GPRIN2: variants seen among roughly 807,000 people sequenced by gnomAD.
GPRIN2 encodes the protein G protein-regulated inducer of neurite outgrowth 2.
Under a neutral mutation model 0.3 loss-of-function variants are expected in GPRIN2, and 1 was observed. The ratio of observed to expected loss-of-function variants is 3.90; its 90% CI spans 1.39 to 18.51. The LOEUF (loss-of-function observed/expected upper bound fraction) is 18.51. GPRIN2 is among the 30% of genes most tolerant of loss of function. GPRIN2 has a pLI of 0.11. For missense variants in GPRIN2, 880 were observed against 604.2 expected (o/e 1.46, Z -4.79); for synonymous variants, 361 against 258.6 (o/e 1.40, Z -3.80).
intron 1 of GPRIN2, 48 bp from the exon 2 acceptor site, chr10:46,554,743 T>C: frequency 6.5e-6 from 1 of 154,092 alleles, no homozygotes; most frequent in Middle Eastern, 3.3e-3. Context: ...TCATTTTGAG[T>C]AAAAGCCCCC....
chr10:46,556,907 C>T (rs1447313750), upstream of GPRIN2, among the ~76,000 whole-genome samples: 2 of 152,304 alleles, frequency 1.3e-5, no homozygotes, highest in African/African-American at 4.8e-5. Flanking sequence ...ACCCCCAAGA[C>T]TCCCACTTCC....
At chr10:46,551,796 C>T (rs1231948117) in intron 2 of GPRIN2, among the ~76,000 whole-genome samples, 1 of 152,306 alleles carries the variant, frequency 6.6e-6, no homozygotes, top group Non-Finnish European at 1.5e-5. Context: ...GCATCTCTTC[C>T]TGGGGCCCCT....
In GPRIN2 at chr10:46,549,714, T is replaced by G; in HGVS notation, c.1023A>C (p.Pro341=). ...TGGCCACAGCCTTGCAGGCCGCCACTGGGGCCGCCTGCACACCAGCATCCT... is the reference window on the plus strand; with the variant it reads ...TGGCCACAGCCTTGCAGGCCGCCACGGGGGCCGCCTGCACACCAGCATCCT... The part of the protein sequence containing the change: ...SAQDAGVQAA[P]VAACKAVATS... The change falls in exon 3 of 3, where the codon CCA becomes CCC. Residue 341 remains proline, a synonymous_variant. Transcript: ENST00000374314. The G allele has an allele frequency of 1.9e-6, 3 of 1,613,932 alleles. No homozygotes were observed. Among genetic ancestry groups the G allele is most frequent in the Non-Finnish European group, 2.5e-6 (3 of 1,179,920 alleles).
rs929335379 is a variant in GPRIN2, at chr10:46,545,508, C to T, written c.*3852G>A. Among the ~76,000 whole-genome samples the T allele has an allele frequency of 6.6e-6, 1 of 152,312 alleles. No individual in the cohort carries two copies. The highest frequency in any genetic ancestry group is 2.4e-5 in the African/African-American group (1 of 41,488). On this transcript the variant is annotated 3_prime_UTR_variant, in exon 3 of 3. Transcript: ENST00000374314. Reference sequence around the variant, plus strand: ...TCTCAGCAGAAGCTTCTGGGGAACCCAGCCCAAGATGAGTGGTGAGGGCTA... The same window carrying T: ...TCTCAGCAGAAGCTTCTGGGGAACCTAGCCCAAGATGAGTGGTGAGGGCTA...
upstream of GPRIN2, among the ~76,000 whole-genome samples, chr10:46,557,253 G>A (rs1372760628): frequency 2.0e-5 from 3 of 152,290 alleles, no homozygotes; most frequent in African/African-American, 4.8e-5. Flanking sequence ...CCAAATCCTG[G>A]ACCCACCGTC....
chr10:46,544,259 A>G lies in GPRIN2; in HGVS notation c.*5101T>C, dbSNP rs1841966779. 6.6e-6 allele frequency among the ~76,000 whole-genome samples: 1 copy of G among 152,312 alleles called. No individual in the cohort carries two copies. Among genetic ancestry groups the G allele is most frequent in the Non-Finnish European group, 1.5e-5 (1 of 68,058 alleles). ...TTTCATAATACAAGATGGACAGGAA[A>G]GAGGCCAAGGGCAGGCAGTTCCCAA... On this transcript the variant is annotated 3_prime_UTR_variant, in exon 3 of 3. Coordinates refer to ENST00000374314, the MANE Select transcript of GPRIN2 (RefSeq NM_001385282.1).
intron 2 of GPRIN2, chr10:46,551,605 GC>G (rs2133283383): frequency 1.6e-6 from 1 of 620,036 alleles, no homozygotes; most frequent in Non-Finnish European, 2.0e-6. Flanking sequence ...GAGATAAGAT[GC>G]CCACCCAGTA....
At chr10:46,553,540 C>T (rs1214976677) in intron 2 of GPRIN2, among the ~76,000 whole-genome samples, 1 of 152,304 alleles carries the variant, frequency 6.6e-6, no homozygotes, top group East Asian at 1.9e-4. Context: ...AGCCTCTGGC[C>T]CCTGAGGAGA....
chr10:46,542,016 G>GA lies in GPRIN2; in HGVS notation c.*7343dup, dbSNP rs1256504316. 2.0e-5 allele frequency among the ~76,000 whole-genome samples: 3 copies of GA among 152,294 alleles called. No individual in the cohort carries two copies. Among genetic ancestry groups the GA allele is most frequent in the East Asian group, 1.9e-4 (1 of 5,208 alleles). ...CCCTGAATACCCCCAACTCTGAAGA[G>GA]AAAAAAAATCAAACCAAAGAGTTTT... On this transcript the variant is annotated 3_prime_UTR_variant, in exon 3 of 3. Coordinates refer to ENST00000374314, the MANE Select transcript of GPRIN2 (RefSeq NM_001385282.1).
Position 46,546,963 on chromosome 10 carries a change from G to A in GPRIN2, c.*2397C>T, listed in dbSNP as rs1160726275. On this transcript the variant is annotated 3_prime_UTR_variant, in exon 3 of 3. Transcript: ENST00000374314. ...TCCTGGCAAGCCAGGGCAGCATGGAGGTAGCACAGAGTGGCACCCAGCCAG... is the reference window on the plus strand; with the variant it reads ...TCCTGGCAAGCCAGGGCAGCATGGAAGTAGCACAGAGTGGCACCCAGCCAG... Among the ~76,000 whole-genome samples the A allele has an allele frequency of 1.3e-5, 2 of 152,430 alleles. No individual in the cohort carries two copies. The highest frequency in any genetic ancestry group is 1.9e-4 in the East Asian group (1 of 5,196).
chr10:46,556,081 A>G (rs1363779430), intron 1 of GPRIN2, among the ~76,000 whole-genome samples: 1 of 152,312 alleles, frequency 6.6e-6, no homozygotes, highest in Non-Finnish European at 1.5e-5. Flanking sequence ...CAGCGACTGC[A>G]GGCAAATGGG....
upstream of GPRIN2, among the ~76,000 whole-genome samples, chr10:46,557,561 C>A (rs1843371113): frequency 6.6e-6 from 1 of 152,310 alleles, no homozygotes; most frequent in Admixed American, 6.5e-5. Flanking sequence ...TCCACTGGAG[C>A]CCGCCTTCTT....
chr10:46,546,214 CTT>C lies in GPRIN2; in HGVS notation c.*3144_*3145del, dbSNP rs1358707124. Reference sequence around the variant, plus strand: ...CTGGGGCCAGACAAGGGATGCGTGTCTTGTGTCCTGGACACAAGACAGGCAGG... The same window carrying C: ...CTGGGGCCAGACAAGGGATGCGTGTCGTGTCCTGGACACAAGACAGGCAGG... On this transcript the variant is annotated 3_prime_UTR_variant, in exon 3 of 3. Transcript: ENST00000374314. Among the ~76,000 whole-genome samples the C allele has an allele frequency of 6.6e-6, 1 of 152,300 alleles. No individual in the cohort carries two copies. Among genetic ancestry groups the C allele is most frequent in the African/African-American group, 2.4e-5 (1 of 41,480 alleles).
rs894474389 is a variant in GPRIN2 at position 46,545,038 on chromosome 10, A to T, written c.*4322T>A. Among the ~76,000 whole-genome samples the T allele has an allele frequency of 2.0e-5, 3 of 152,308 alleles. No homozygotes were observed. Among genetic ancestry groups the T allele is most frequent in the Non-Finnish European group, 2.9e-5 (2 of 68,056 alleles). ...AGGCCAGAATGAAAAAGGAGAAGGA[A>T]TTTAACATGGGCAAATGCCAAGCTC... On this transcript the variant is annotated 3_prime_UTR_variant, in exon 3 of 3. Coordinates refer to ENST00000374314, the MANE Select transcript of GPRIN2 (RefSeq NM_001385282.1).
intron 2 of GPRIN2, among the ~76,000 whole-genome samples, chr10:46,551,225 G>A (rs1842565268): frequency 6.6e-6 from 1 of 152,302 alleles, no homozygotes; most frequent in African/African-American, 2.4e-5. Flanking sequence ...CTTCCTCCTG[G>A]GACTGGCAGT....
Position 46,556,616 on chromosome 10 carries a change from G to T in GPRIN2, c.-236C>A, listed in dbSNP as rs1843266829. Reference sequence around the variant, plus strand: ...CGACCTGGCCTGGGCGCGAGACGCCGCCCGCCGCCGTCGGCCCGGCCCGCG... The same window carrying T: ...CGACCTGGCCTGGGCGCGAGACGCCTCCCGCCGCCGTCGGCCCGGCCCGCG... On this transcript the variant is annotated 5_prime_UTR_variant, in exon 1 of 3. Transcript: ENST00000374314. Among the ~76,000 whole-genome samples the T allele has an allele frequency of 6.6e-6, 1 of 151,932 alleles. No homozygotes were observed. Among genetic ancestry groups the T allele is most frequent in the Non-Finnish European group, 1.5e-5 (1 of 67,952 alleles).
At position 46,550,599 on chromosome 10, in the gene GPRIN2, G is replaced by A. The variant is rs1832309565; in HGVS notation, c.138C>T (p.Thr46=). The A allele has an allele frequency of 3.5e-5, 55 of 1,585,100 alleles. No homozygotes were observed. The African/African-American group carries it at 4.6e-4, about 13-fold the overall frequency. Residue 46 remains threonine (T), a synonymous_variant, in exon 3 of 3, where the codon ACC becomes ACT. Coordinates refer to ENST00000374314, the MANE Select transcript of GPRIN2 (RefSeq NM_001385282.1). Reference sequence around the variant, plus strand: ...CCTCGCCCAGCTGGGCCTGCCACACGGTGCTGCTGGCAGTCTTGCGGAGCT... The same window carrying A: ...CCTCGCCCAGCTGGGCCTGCCACACAGTGCTGCTGGCAGTCTTGCGGAGCT... The part of the protein sequence containing the change: ...RPELRKTASS[T]VWQAQLGEAS...
In GPRIN2 at chr10:46,550,511, G is replaced by T. The variant is rs150129733; in HGVS notation, c.226C>A (p.Arg76=). The change falls in exon 3 of 3, where the codon CGG becomes AGG. Residue 76 remains arginine (R), a synonymous_variant. Transcript: ENST00000374314. ...GNPPESMKPA[R]ASGPKARPSA... is the part of the protein sequence containing the mutation. Reference sequence around the variant, plus strand: ...GGTCGCGCCTTGGGGCCAGAGGCCCGTGCTGGCTTCATGCTCTCAGGCGGG... The same window carrying T: ...GGTCGCGCCTTGGGGCCAGAGGCCCTTGCTGGCTTCATGCTCTCAGGCGGG... 2.5e-6 allele frequency: 4 copies of T among 1,603,970 alleles called. No individual in the cohort carries two copies. The highest frequency in any genetic ancestry group is 2.7e-5 in the African/African-American group (2 of 74,844).
Position 46,549,390 on chromosome 10 carries a change from G to C in GPRIN2, c.1347C>G (p.Cys449Trp). The C allele has an allele frequency of 6.7e-7, 1 of 1,496,094 alleles. No homozygotes were observed. Among genetic ancestry groups the C allele is most frequent in the Non-Finnish European group, 8.9e-7 (1 of 1,125,914 alleles). The allele number at this position is 1,496,094 out of a possible 1,614,324, so 92.7% of individuals were successfully genotyped here. ...AVMQSLRRPS[C>W]CGCSGAAPE Reference sequence around the variant, plus strand: ...CGGGGGCCGCGCCGGAGCAGCCGCAGCAGCTGGGGCGCCGCAGGGACTGCA... The same window carrying C: ...CGGGGGCCGCGCCGGAGCAGCCGCACCAGCTGGGGCGCCGCAGGGACTGCA... The change falls in exon 3 of 3, where the codon TGC becomes TGG. Residue 449 changes from cysteine to tryptophan, a missense_variant. Physicochemically the swap from Cys to Trp is radical, Grantham distance 215. Transcript: ENST00000374314.
Sources: allele counts gnomAD v4.1 joint callset (sites outside exome capture counted in the v4.1 genomes callset), GRCh38; gene constraint gnomAD v4.1.1; transcripts MANE v1.5; gene names NCBI Gene and HGNC (gene_info 2026-07-23, HGNC 2026-07-21).